SLC23A3: variants seen among roughly 807,000 people sequenced by gnomAD.
SLC23A3 encodes the protein solute carrier family 23 member 3.
Under a neutral mutation model 64.7 loss-of-function variants are expected in SLC23A3, and 41 were observed. The observed-to-expected ratio is 0.63, with a 90% confidence interval of 0.49 to 0.82. SLC23A3 has a LOEUF of 0.82. SLC23A3 is among the 40% of genes least tolerant of loss of function. The probability of loss-of-function intolerance (pLI) is 0.00; values close to 1 mark genes in which losing one functional copy is unlikely to be tolerated. For missense variants in SLC23A3, 647 were observed against 733.4 expected (o/e 0.88, Z 1.36); for synonymous variants, 281 against 306.8 (o/e 0.92, Z 0.88).
At chr2:219,165,659 A>T (rs1223763040) in intron 7 of SLC23A3, among the ~76,000 whole-genome samples, 1 of 152,020 alleles carries the variant, frequency 6.6e-6, no homozygotes, top group Non-Finnish European at 1.5e-5. Flanking sequence ...ACTCTGCCTC[A>T]CTTCCTTCAT....
At chr2:219,165,639 C>T (rs1333678918) in intron 7 of SLC23A3, among the ~76,000 whole-genome samples, 1 of 152,244 alleles carries the variant, frequency 6.6e-6, no homozygotes, top group East Asian at 1.9e-4. Context: ...GCAGCCTTAT[C>T]TCCCAGCACA....
intron 9 of SLC23A3, 40 bp downstream of exon 9, chr2:219,164,193 G>C: frequency 7.2e-7 from 1 of 1,391,872 alleles, no homozygotes. Context: ...ACACTGGGGA[G>C]TAGCAGTTCA....
Position 219,165,325 on chromosome 2 carries a change from C to G in SLC23A3, c.1011G>C (p.Leu337=). 1 of 1,551,540 alleles carries G rather than the reference C, an allele frequency of 6.4e-7. No homozygotes were observed. Among genetic ancestry groups the G allele is most frequent in the African/African-American group, 1.4e-5 (1 of 73,194 alleles). ...ASTSSLGCYA[L]CGRLLHLPPP... ...GAGGCAAATGCAGCAGCCGGCCACA[C>G]AGGGCATAGCAGCCCAGGGAACTGG... Residue 337 remains leucine (L), a synonymous_variant, in exon 8 of 12, where the codon CTG becomes CTC. Coordinates refer to ENST00000409878, the MANE Select transcript of SLC23A3 (RefSeq NM_001144889.2).
Position 219,168,808 on chromosome 2 carries a change from C to A in SLC23A3, c.518G>T (p.Gly173Val). 2.5e-6 allele frequency: 4 copies of A among 1,594,646 alleles called. No homozygotes were observed. The highest frequency in any genetic ancestry group is 3.4e-6 in the Non-Finnish European group (4 of 1,170,458). Residue 173 changes from glycine (G) to valine (V), a missense_variant, in exon 5 of 12, where the codon GGG becomes GTG. Coordinates refer to ENST00000409878, the MANE Select transcript of SLC23A3 (RefSeq NM_001144889.2). Reference protein sequence around the residue: ...QEVSGAVVVSGLLQGMMGLLG... With the variant: ...QEVSGAVVVSVLLQGMMGLLG... ...CAGCCCCATCATGCCCTGCAGCAGCCCAGATACTACCACTGCCCCGGACAC... is the reference window on the plus strand; with the variant it reads ...CAGCCCCATCATGCCCTGCAGCAGCACAGATACTACCACTGCCCCGGACAC...
chr2:219,162,059 G>C lies in SLC23A3; in HGVS notation c.1683C>G (p.Pro561=). The stretch of plus-strand genomic sequence containing the variant: ...GTGGGCAGAGGCAGTGGAGAGGCTG[G>C]GGGATGCAGGGACAGAGGTTTTGGA... ...FPIQNLCPCI[P]QPLHCLCPLP... Residue 561 remains proline, a synonymous_variant, in exon 12 of 12, where the codon CCC becomes CCG. Transcript: ENST00000409878. 2 of 1,614,170 alleles carry C rather than the reference G, an allele frequency of 1.2e-6. No homozygotes were observed. The highest frequency in any genetic ancestry group is 1.7e-6 in the Non-Finnish European group (2 of 1,180,036).
intron 9 of SLC23A3, among the ~76,000 whole-genome samples, chr2:219,164,006 G>A (rs1209726282): frequency 5.3e-5 from 8 of 152,166 alleles, no homozygotes; most frequent in Non-Finnish European, 1.2e-4. Flanking sequence ...CCAGCCTGAG[G>A]CTGATTTCTG....
chr2:219,162,449 A>G (rs1033528625), intron 10 of SLC23A3, 55 bp from the exon 11 acceptor site: 29 of 1,377,348 alleles, frequency 2.1e-5, no homozygotes, highest in Non-Finnish European at 2.8e-5. Flanking sequence ...ATCCAAGCCC[A>G]GGAGTCTTAC....
At chr2:219,168,470 C>T in intron 5 of SLC23A3, 152 bp from the exon 6 acceptor site, 1 of 1,141,484 alleles carries the variant, frequency 8.8e-7, no homozygotes, top group Non-Finnish European at 1.2e-6. Flanking sequence ...TGGGGGACAG[C>T]AGAAAACAGT....
chr2:219,169,299 C>G lies in SLC23A3; in HGVS notation c.418+10G>C, dbSNP rs756562471. The G allele has an allele frequency of 4.3e-6, 7 of 1,614,234 alleles. No individual in the cohort carries two copies. Among genetic ancestry groups the G allele is most frequent in the Non-Finnish European group, 5.9e-6 (7 of 1,180,036 alleles). On this transcript the variant is annotated intron_variant, in intron 3 of 11. Coordinates refer to ENST00000409878, the MANE Select transcript of SLC23A3 (RefSeq NM_001144889.2). The surrounding 1 kb of genome is among the most constrained non-coding windows in gnomAD (Gnocchi z 4.5). ...CCCACCCTTACCCCTTGCCCTTGCTCTGTGCTCACAGTTTCCAGGTGTCTG... is the reference window on the plus strand; with the variant it reads ...CCCACCCTTACCCCTTGCCCTTGCTGTGTGCTCACAGTTTCCAGGTGTCTG...
At chr2:219,168,143 A>G in intron 6 of SLC23A3, 52 bp downstream of exon 6, 1 of 1,597,610 alleles carries the variant, frequency 6.3e-7, no homozygotes, top group Non-Finnish European at 8.5e-7. Flanking sequence ...TGGAGTGAGC[A>G]CTCCAGGCCA....
intron 7 of SLC23A3, among the ~76,000 whole-genome samples, chr2:219,165,871 C>T (rs1413187014): frequency 6.6e-6 from 1 of 152,222 alleles, no homozygotes; most frequent in Non-Finnish European, 1.5e-5. Context: ...CAGTAGCTCA[C>T]GCCTGTAATC....
intron 9 of SLC23A3, among the ~76,000 whole-genome samples, chr2:219,163,965 G>A (rs527671969): frequency 2.0e-5 from 3 of 151,880 alleles, no homozygotes; most frequent in Non-Finnish European, 4.4e-5. Flanking sequence ...GCCTCCCAAA[G>A]TGCTGGGATT....
chr2:219,168,409 G>A, intron 5 of SLC23A3, 91 bp from the exon 6 acceptor site: 1 of 1,413,662 alleles, frequency 7.1e-7, no homozygotes, highest in Non-Finnish European at 9.5e-7. Context: ...CATAAGAGCG[G>A]GGGGTGATAC....
At position 219,164,247 on chromosome 2, in the gene SLC23A3, G is replaced by T; in HGVS notation, c.1259C>A (p.Pro420Gln). 6.2e-7 allele frequency: 1 copy of T among 1,607,542 alleles called. No homozygotes were observed. The highest frequency in any genetic ancestry group is 2.2e-5 in the East Asian group (1 of 44,592). The change falls in exon 9 of 12, where the codon CCA (proline) becomes CAA (glutamine). Residue 420 changes from proline (P) to glutamine (Q), a missense_variant. Coordinates refer to ENST00000409878, the MANE Select transcript of SLC23A3 (RefSeq NM_001144889.2). ...PRLAQLLTTI[P>Q]LPVVGGVLGV... ...CATCCACTCACCAACAACAGGCAGT[G>T]GGATGGTGGTGAGGAGCTGAGCCAA... is the stretch of plus-strand genomic sequence containing the variant.
intron 10 of SLC23A3, among the ~76,000 whole-genome samples, chr2:219,163,148 C>G (rs1339086036): frequency 6.6e-6 from 1 of 152,240 alleles, no homozygotes; most frequent in Non-Finnish European, 1.5e-5. Flanking sequence ...CACTGTAGCT[C>G]TTTATCTGAA....
rs2106380119 is a variant in SLC23A3 at position 219,169,134 on chromosome 2, G to A, written c.419-32C>T. ...AAAGTTTGGGGCATGGAGAAGAGAAGGGTGAATGGAATGGAGACCCATTGC... is the reference window on the plus strand; with the variant it reads ...AAAGTTTGGGGCATGGAGAAGAGAAAGGTGAATGGAATGGAGACCCATTGC... On this transcript the variant is annotated intron_variant, in intron 3 of 11. Transcript: ENST00000409878. This position sits in a 1 kb window ranked among gnomAD's most constrained non-coding sequence, Gnocchi z 4.5. 1.9e-6 allele frequency: 3 copies of A among 1,609,884 alleles called. No individual in the cohort carries two copies. The highest frequency in any genetic ancestry group is 1.1e-5 in the South Asian group (1 of 90,968).
At position 219,165,228 on chromosome 2, in the gene SLC23A3, C is replaced by G. The variant is rs1401971892; in HGVS notation, c.1108G>C (p.Gly370Arg). The G allele has an allele frequency of 6.4e-7, 1 of 1,551,706 alleles. No homozygotes were observed. The highest frequency in any genetic ancestry group is 1.4e-5 in the African/African-American group (1 of 73,196). The change falls in exon 8 of 12, where the codon GGA becomes CGA. Residue 370 changes from glycine to arginine, a missense_variant. Physicochemically the swap from Gly to Arg is moderately radical, Grantham distance 125. Transcript: ENST00000409878. ...GLGSVLAGLL[G>R]SPMGTASSFP... ...CTGGATGCAGTGCCCATGGGGCTTCCCAGCAGCCCGGCCAGCACACTGCCC... is the reference window on the plus strand; with the variant it reads ...CTGGATGCAGTGCCCATGGGGCTTCGCAGCAGCCCGGCCAGCACACTGCCC...
In SLC23A3 at chr2:219,162,398, T is replaced by C. The variant is rs915703854; in HGVS notation, c.1442-4A>G. The C allele has an allele frequency of 6.2e-7, 1 of 1,612,290 alleles. No homozygotes were observed. The highest frequency in any genetic ancestry group is 8.5e-7 in the Non-Finnish European group (1 of 1,178,692). On this transcript the variant is annotated splice_region_variant and splice_polypyrimidine_tract_variant and intron_variant, in intron 10 of 11. Coordinates refer to ENST00000409878, the MANE Select transcript of SLC23A3 (RefSeq NM_001144889.2). ...AATACATCCAAGGGGCTCCAGCCTA[T>C]GAAGAGTTGGGGCCAGGCAGGAAGG...
chr2:219,168,519 T>C, intron 5 of SLC23A3, 133 bp downstream of exon 5: 1 of 1,148,302 alleles, frequency 8.7e-7, no homozygotes, highest in Middle Eastern at 2.9e-4. Context: ...AGGAAAAGTC[T>C]TGGATTCCAA....
Sources: allele counts gnomAD v4.1 joint callset (sites outside exome capture counted in the v4.1 genomes callset), GRCh38; gene constraint gnomAD v4.1.1; non-coding constraint Gnocchi (gnomAD v3.1); transcripts MANE v1.5; gene names NCBI Gene and HGNC (gene_info 2026-07-23, HGNC 2026-07-21).